Variants in SMG6 observed in about 807,000 individuals in gnomAD.
The protein encoded by SMG6 is SMG6 nonsense mediated mRNA decay factor.
SMG6 carries 66 observed loss-of-function variants against 142.2 expected under a neutral mutation model. The observed-to-expected ratio is 0.46, with a 90% CI of 0.38 to 0.57. The LOEUF is 0.57. SMG6 is among the 20% of genes least tolerant of loss of function. The pLI is 0.00. For synonymous variants in SMG6, 779 were observed against 702.4 expected (o/e 1.11, Z -1.72); for missense variants, 1,793 against 1,832.0 (o/e 0.98, Z 0.39).
At chr17:2,121,022 G>A (rs1011835213) in intron 13 of SMG6, among the ~76,000 whole-genome samples, 1 of 152,128 alleles carries the variant, frequency 6.6e-6, no homozygotes, top group African/African-American at 2.4e-5. Context: ...GAAAGTTTAC[G>A]AATTTGTGTT....
intron 11 of SMG6, among the ~76,000 whole-genome samples, chr17:2,187,468 A>AT (rs2072025834): frequency 6.6e-6 from 1 of 152,166 alleles, no homozygotes; most frequent in Admixed American, 6.5e-5. Flanking sequence ...TCCGATTTTG[A>AT]TAACCGTTGT....
intron 15 of SMG6, among the ~76,000 whole-genome samples, chr17:2,069,295 A>G (rs563007822): frequency 1.3e-5 from 2 of 152,304 alleles, no homozygotes; most frequent in South Asian, 2.1e-4. Flanking sequence ...TAGAAAGCCT[A>G]CAGAGGAGGT....
intron 8 of SMG6, among the ~76,000 whole-genome samples, chr17:2,276,491 T>C (rs1178318532): frequency 1.3e-5 from 2 of 152,092 alleles, no homozygotes; most frequent in Admixed American, 1.3e-4. Context: ...TTCAAGTGAT[T>C]CTCCCGCCTC....
At chr17:2,148,937 A>C (rs1167102509) in intron 13 of SMG6, among the ~76,000 whole-genome samples, 3 of 151,994 alleles carry the variant, frequency 2.0e-5, no homozygotes, top group Non-Finnish European at 4.4e-5. Context: ...ATGGAGACTT[A>C]TTATTTCATG....
chr17:2,111,753 A>G (rs1215048603), intron 13 of SMG6, among the ~76,000 whole-genome samples: 1 of 152,072 alleles, frequency 6.6e-6, no homozygotes, highest in Non-Finnish European at 1.5e-5. Context: ...AGCATCAAGG[A>G]GTTCCTTCTC....
At chr17:2,282,570 GCCT>G (rs1311576324) in intron 8 of SMG6, 74 bp downstream of exon 8, 1 of 1,404,630 alleles carries the variant, frequency 7.1e-7, no homozygotes, top group African/African-American at 1.4e-5. Context: ...AAGTATCTGT[GCCT>G]CACAGCTGTA....
intron 10 of SMG6, among the ~76,000 whole-genome samples, chr17:2,205,815 T>TA: frequency 6.6e-6 from 1 of 151,686 alleles, no homozygotes; most frequent in South Asian, 2.1e-4. Flanking sequence ...GTATATATAT[T>TA]TTTTTTCTTC....
intron 10 of SMG6, among the ~76,000 whole-genome samples, chr17:2,195,153 G>T (rs1252804570): frequency 1.3e-5 from 2 of 152,172 alleles, no homozygotes; most frequent in African/African-American, 4.8e-5. Flanking sequence ...GGGGTGACAG[G>T]CTCCTCTCTG....
At chr17:2,126,414 A>G (rs1309032300) in intron 13 of SMG6, among the ~76,000 whole-genome samples, 2 of 152,272 alleles carry the variant, frequency 1.3e-5, no homozygotes, top group African/African-American at 4.8e-5. Flanking sequence ...TGACATCAAA[A>G]GCATAGGAAA....
chr17:2,162,166 T>C (rs1254198715), intron 13 of SMG6, among the ~76,000 whole-genome samples: 1 of 152,172 alleles, frequency 6.6e-6, no homozygotes, highest in African/African-American at 2.4e-5. Flanking sequence ...TATTGCTAAG[T>C]GAACAAAGTA....
intron 13 of SMG6, among the ~76,000 whole-genome samples, chr17:2,137,150 G>C (rs1445684172): frequency 6.6e-6 from 1 of 152,166 alleles, no homozygotes; most frequent in Admixed American, 6.6e-5. Flanking sequence ...CTGGGTGACA[G>C]AGTGAGACCC....
At chr17:2,063,715 G>A (rs2067852692) in intron 18 of SMG6, among the ~76,000 whole-genome samples, 1 of 152,240 alleles carries the variant, frequency 6.6e-6, no homozygotes, top group South Asian at 2.1e-4. Flanking sequence ...TTCAGCCTGG[G>A]GAGGAGTTTG....
chr17:2,243,953 T>C (rs2073871249), intron 9 of SMG6, among the ~76,000 whole-genome samples: 1 of 152,200 alleles, frequency 6.6e-6, no homozygotes, highest in African/African-American at 2.4e-5. Context: ...ATCCATCTGC[T>C]CTGGCGTGTA....
intron 10 of SMG6, among the ~76,000 whole-genome samples, chr17:2,199,321 A>C (rs575815624): frequency 3.9e-5 from 6 of 152,254 alleles, no homozygotes; most frequent in African/African-American, 9.6e-5. Flanking sequence ...TTGGATTATC[A>C]ATCAGATGGA....
At chr17:2,097,147 TTTC>T (rs1387936773) in intron 13 of SMG6, among the ~76,000 whole-genome samples, 4 of 151,408 alleles carry the variant, frequency 2.6e-5, no homozygotes, top group African/African-American at 7.3e-5. Context: ...ATATATAATT[TTTC>T]TTTTCTTTTC....
At chr17:2,112,432 C>T (rs1305185230) in intron 13 of SMG6, among the ~76,000 whole-genome samples, 5 of 151,340 alleles carry the variant, frequency 3.3e-5, no homozygotes, top group Admixed American at 1.3e-4. Flanking sequence ...GGCATGAACC[C>T]GGGAGGCGGA....
chr17:2,073,538 G>A (rs1165628386), intron 15 of SMG6, among the ~76,000 whole-genome samples: 6 of 150,438 alleles, frequency 4.0e-5, no homozygotes, highest in African/African-American at 7.3e-5. Flanking sequence ...GCGGAACCCC[G>A]TCTCTACTAA....
chr17:2,136,994 C>CA (rs2070325337), intron 13 of SMG6, among the ~76,000 whole-genome samples: 2 of 151,800 alleles, frequency 1.3e-5, no homozygotes, highest in South Asian at 2.1e-4. Flanking sequence ...CTCTTCTTTA[C>CA]AAAAAAATAA....
intron 13 of SMG6, among the ~76,000 whole-genome samples, chr17:2,099,901 C>T (rs1473219521): frequency 6.6e-6 from 1 of 152,190 alleles, no homozygotes; most frequent in African/African-American, 2.4e-5. Flanking sequence ...CTCACTCTGT[C>T]GCCCAGGCTG....
Sources: allele counts gnomAD v4.1 joint callset (sites outside exome capture counted in the v4.1 genomes callset), GRCh38; gene constraint gnomAD v4.1.1; transcripts MANE v1.5; gene names NCBI Gene and HGNC (gene_info 2026-07-23, HGNC 2026-07-21).